The following ESRRB variants were observed in gnomAD, a reference collection of about 807,000 sequenced individuals.
ESRRB encodes the protein steroid hormone receptor ERR2.
In ESRRB, 16 loss-of-function variants were observed where a neutral mutation model predicts 46.0. That is an observed-to-expected ratio of 0.35 (90% CI 0.24 to 0.53). ESRRB has a LOEUF of 0.53. ESRRB is among the 20% of genes least tolerant of loss of function. The probability of loss-of-function intolerance (pLI) is 0.93; values close to 1 mark genes in which losing one functional copy is unlikely to be tolerated. For synonymous variants in ESRRB, 246 were observed against 259.6 expected (o/e 0.95, Z 0.50); for missense variants, 488 against 607.4 (o/e 0.80, Z 2.07).
At chr14:76,433,475 C>T (rs566230426) in intron 1 of ESRRB, among the ~76,000 whole-genome samples, 6 of 152,254 alleles carry the variant, frequency 3.9e-5, no homozygotes, top group South Asian at 2.1e-4. Context: ...ATTCTCAACA[C>T]GCCCCCTTCT....
At chr14:76,384,869 C>T (rs775867119) in intron 1 of ESRRB, among the ~76,000 whole-genome samples, 8 of 150,072 alleles carry the variant, frequency 5.3e-5, no homozygotes, top group East Asian at 1.9e-4. Context: ...TCTATGAGGC[C>T]GTTGTCCCTG....
intron 1 of ESRRB, among the ~76,000 whole-genome samples, chr14:76,435,431 C>T (rs1887631849): frequency 1.3e-5 from 2 of 152,300 alleles, no homozygotes; most frequent in Middle Eastern, 3.4e-3. Context: ...GTGAGCTGTG[C>T]CTGTCGTGTT....
chr14:76,389,641 C>T (rs1419717853), intron 1 of ESRRB, among the ~76,000 whole-genome samples: 1 of 152,192 alleles, frequency 6.6e-6, no homozygotes, highest in African/African-American at 2.4e-5. Flanking sequence ...AAAACCCTAG[C>T]TCCAGACTAA....
At chr14:76,384,427 C>T (rs1376661568) in intron 1 of ESRRB, among the ~76,000 whole-genome samples, 4 of 152,116 alleles carry the variant, frequency 2.6e-5, no homozygotes. Flanking sequence ...TAAATATCTT[C>T]GTGCAAACAT....
intron 1 of ESRRB, among the ~76,000 whole-genome samples, chr14:76,333,029 ATATATATTATATAT>A (rs1198027132): frequency 1.8e-3 from 12 of 6,668 alleles, no homozygotes; most frequent in East Asian, 0.03. Context: ...ATTATATATT[ATATATATTATATAT>A]TATATATTAT....
chr14:76,453,128 T>A (rs1888462545), intron 2 of ESRRB, among the ~76,000 whole-genome samples: 1 of 152,210 alleles, frequency 6.6e-6, no homozygotes, highest in Admixed American at 6.5e-5. Context: ...CAAGCTCAAA[T>A]TTGAGAACTG....
At chr14:76,395,836 G>A (rs1484487215) in intron 1 of ESRRB, among the ~76,000 whole-genome samples, 1 of 121,844 alleles carries the variant, frequency 8.2e-6, no homozygotes, top group Non-Finnish European at 1.6e-5. Context: ...TATGATACTT[G>A]GTACTTGGGG....
At chr14:76,486,683 G>A (rs1890035484) in intron 5 of ESRRB, among the ~76,000 whole-genome samples, 2 of 152,128 alleles carry the variant, frequency 1.3e-5, no homozygotes, top group South Asian at 4.1e-4. Context: ...ATTTTCCTGG[G>A]GCAGCAGAGC....
chr14:76,422,206 CTTTTTTTTTTTT>C (rs552738537), intron 1 of ESRRB, among the ~76,000 whole-genome samples: 1 of 94,772 alleles, frequency 1.1e-5, no homozygotes, highest in East Asian at 3.0e-4. Flanking sequence ...ACATTTCCTT[CTTTTTTTTTTTT>C]TTTTTTTTTT....
intron 2 of ESRRB, among the ~76,000 whole-genome samples, chr14:76,450,148 G>A (rs892826277): frequency 2.0e-5 from 3 of 152,164 alleles, no homozygotes; most frequent in Middle Eastern, 3.4e-3. Context: ...AGAAAGGGGG[G>A]GGGTCTCATT....
At chr14:76,413,209 G>A (rs1432810235) in intron 1 of ESRRB, among the ~76,000 whole-genome samples, 1 of 152,164 alleles carries the variant, frequency 6.6e-6, no homozygotes, top group Non-Finnish European at 1.5e-5. Context: ...CTGTTGGTGT[G>A]ATGAGCCTGC....
upstream of ESRRB, among the ~76,000 whole-genome samples, chr14:76,367,804 G>A (rs1884541497): frequency 6.6e-6 from 1 of 152,152 alleles, no homozygotes; most frequent in South Asian, 2.1e-4. Flanking sequence ...CAGCACCTAA[G>A]TGTTTGCCCT....
chr14:76,500,732 G>A lies in ESRRB; in HGVS notation c.*2274G>A. On this transcript the variant is annotated 3_prime_UTR_variant, in exon 7 of 7. Transcript: ENST00000644823. ...TGGCTCACCATGTAACATCTGGCTT[G>A]GAGCAAGTGGGTGTTCTGCACACCA... is the stretch of plus-strand genomic sequence containing the variant. 6.2e-7 allele frequency: 1 copy of A among 1,613,922 alleles called. No individual in the cohort carries two copies. The highest frequency in any genetic ancestry group is 8.5e-7 in the Non-Finnish European group (1 of 1,179,840).
At chr14:76,348,982 G>T (rs756225375) in intron 1 of ESRRB, among the ~76,000 whole-genome samples, 7 of 152,148 alleles carry the variant, frequency 4.6e-5, no homozygotes, top group African/African-American at 1.7e-4. Context: ...AGGCCTGCTC[G>T]TGAGTCATCT....
At chr14:76,421,799 C>T (rs1045643396) in intron 1 of ESRRB, among the ~76,000 whole-genome samples, 4 of 152,204 alleles carry the variant, frequency 2.6e-5, no homozygotes, top group African/African-American at 9.7e-5. Flanking sequence ...CCCTCCCCTC[C>T]CTGAGAACTG....
chr14:76,485,665 A>AAGAG (rs1210268066), intron 5 of ESRRB, among the ~76,000 whole-genome samples: 37 of 132,752 alleles, frequency 2.8e-4, no homozygotes, highest in African/African-American at 8.8e-4. Context: ...GAGAGAAAGA[A>AAGAG]AGAGAGAGAG....
At position 76,481,998 on chromosome 14, in the gene ESRRB, C is replaced by T. The variant is rs769234178; in HGVS notation, c.578-18C>T. 1.2e-6 allele frequency: 2 copies of T among 1,610,054 alleles called. No individual in the cohort carries two copies. Among genetic ancestry groups the T allele is most frequent in the East Asian group, 2.2e-5 (1 of 44,838 alleles). On this transcript the variant is annotated intron_variant, in intron 3 of 6. Coordinates refer to ENST00000644823, the MANE Select transcript of ESRRB (RefSeq NM_001379180.1). ...TGTTGAACAACTGCTGAGATCTTTT[C>T]CCTTTCCTCCCCAATAGGTGTGCGC... is the stretch of plus-strand genomic sequence containing the variant.
chr14:76,349,258 G>A lies in ESRRB; in HGVS notation c.2+38342G>A, dbSNP rs542691204. ...CAGGAATGGGGCCCAGTGCATGCCAGGGCTCCCTCTGTGGTCTCCTGGGCT... is the reference window on the plus strand; with the variant it reads ...CAGGAATGGGGCCCAGTGCATGCCAAGGCTCCCTCTGTGGTCTCCTGGGCT... On this transcript the variant is annotated intron_variant, in intron 1 of 6. Transcript: ENST00000512784. Among the ~76,000 whole-genome samples, 15 of 152,322 alleles carry A rather than the reference G, an allele frequency of 9.8e-5. No homozygotes were observed. The South Asian group carries it at 3.1e-3, about 32-fold the overall frequency.
upstream of ESRRB, among the ~76,000 whole-genome samples, chr14:76,367,290 C>T (rs1022556070): frequency 1.3e-5 from 2 of 152,120 alleles, no homozygotes; most frequent in African/African-American, 4.8e-5. Context: ...AGTAGTGGCT[C>T]ATGCCTGTAA....
Sources: allele counts gnomAD v4.1 joint callset (sites outside exome capture counted in the v4.1 genomes callset), GRCh38; gene constraint gnomAD v4.1.1; transcripts MANE v1.5; gene names NCBI Gene and HGNC (gene_info 2026-07-23, HGNC 2026-07-21).